The following ITPR2 variants were observed in gnomAD, a reference collection of about 807,000 sequenced individuals.
ITPR2 encodes inositol 1,4,5-trisphosphate-gated calcium channel ITPR2.
Under a neutral mutation model 317.1 loss-of-function variants are expected in ITPR2, and 207 were observed. That is an observed-to-expected ratio of 0.65 (90% CI 0.58 to 0.73). The LOEUF (loss-of-function observed/expected upper bound fraction) is 0.73, where lower values mean the gene tolerates loss of function less well. Among genes scored for constraint, ITPR2 ranks in the 30% least tolerant of loss-of-function variants. ITPR2 has a pLI of 0.00. For synonymous variants in ITPR2, 1,156 were observed against 1,149.1 expected (o/e 1.01, Z -0.12); for missense variants, 2,613 against 3,284.0 (o/e 0.80, Z 4.99).
chr12:26,676,579 G>T (rs1329308790), intron 13 of ITPR2, among the ~76,000 whole-genome samples: 1 of 150,746 alleles, frequency 6.6e-6, no homozygotes, highest in African/African-American at 2.4e-5. Flanking sequence ...ATGGACTAAA[G>T]AATAAATTTC....
intron 2 of ITPR2, among the ~76,000 whole-genome samples, chr12:26,762,070 A>G (rs540558355): frequency 6.6e-6 from 1 of 152,328 alleles, no homozygotes; most frequent in South Asian, 2.1e-4. Context: ...AGAATTTAAA[A>G]AGACTGAAAA....
In ITPR2 at chr12:26,337,939, A is replaced by G. The variant is rs982570383; in HGVS notation, c.*1458T>C. 2.0e-5 allele frequency: 3 copies of G among 152,364 alleles called. No homozygotes were observed. The highest frequency in any genetic ancestry group is 1.9e-4 in the East Asian group (1 of 5,194). 9.4% of individuals were successfully genotyped at this position (152,364 alleles called of 1,614,324 possible). ...TTTTTAGGAACCAATAGCTTAAGCT[A>G]TGTTAGAACAATCCAAAAGCTTTAA... On this transcript the variant is annotated 3_prime_UTR_variant, in exon 57 of 57. Transcript: ENST00000381340.
At chr12:26,773,981 A>ATTTT (rs34106132) in intron 2 of ITPR2, among the ~76,000 whole-genome samples, 1 of 91,390 alleles carries the variant, frequency 1.1e-5, no homozygotes, top group African/African-American at 4.3e-5. Context: ...CAACTGGAGA[A>ATTTT]TTTTTTTTTT....
In ITPR2 at chr12:26,372,885, G is replaced by A. The variant is rs529110376; in HGVS notation, c.7857+14549C>T. Among the ~76,000 whole-genome samples the A allele has an allele frequency of 2.0e-5, 3 of 152,148 alleles. 1 individual carries two copies. The highest frequency in any genetic ancestry group is 4.2e-4 in the South Asian group (2 of 4,810). Reference sequence around the variant, plus strand: ...GCCTGAGACAGTGGAAATTCCTCGCGCCTCCCACTGCCCCCCGACCCCAGC... The same window carrying A: ...GCCTGAGACAGTGGAAATTCCTCGCACCTCCCACTGCCCCCCGACCCCAGC... On this transcript the variant is annotated intron_variant, in intron 55 of 56. Transcript: ENST00000381340.
chr12:26,651,682 G>A (rs1342389953), intron 21 of ITPR2, among the ~76,000 whole-genome samples: 1 of 152,182 alleles, frequency 6.6e-6, no homozygotes, highest in African/African-American at 2.4e-5. Flanking sequence ...GTCTTACAGT[G>A]GTTTCACATA....
chr12:26,521,211 T>C (rs757978610), intron 37 of ITPR2, among the ~76,000 whole-genome samples: 6 of 152,132 alleles, frequency 3.9e-5, no homozygotes, highest in Non-Finnish European at 8.8e-5. Flanking sequence ...AATATTTAGT[T>C]CATTTGCAAA....
chr12:26,751,000 C>T (rs577774937), intron 2 of ITPR2, among the ~76,000 whole-genome samples: 8 of 152,230 alleles, frequency 5.3e-5, no homozygotes, highest in East Asian at 3.9e-4. Context: ...GCAACGAAAA[C>T]GGCTGAGTCA....
intron 1 of ITPR2, among the ~76,000 whole-genome samples, chr12:26,804,408 G>A (rs908548036): frequency 1.4e-4 from 22 of 152,182 alleles, no homozygotes; most frequent in Admixed American, 2.0e-4. Context: ...TTCTTCTGGA[G>A]AATTTTAATT....
chr12:26,588,169 T>C (rs192330353), intron 32 of ITPR2, among the ~76,000 whole-genome samples: 5 of 152,310 alleles, frequency 3.3e-5, no homozygotes, highest in Admixed American at 2.6e-4. Flanking sequence ...CAGTTGAATA[T>C]GTGAAACTAG....
intron 37 of ITPR2, among the ~76,000 whole-genome samples, chr12:26,540,951 A>C (rs1944241864): frequency 6.6e-6 from 1 of 152,142 alleles, no homozygotes. Context: ...CAGATGTCTT[A>C]TTATAAGAAC....
chr12:26,612,907 G>A (rs758387822), intron 26 of ITPR2, among the ~76,000 whole-genome samples: 18 of 152,148 alleles, frequency 1.2e-4, no homozygotes, highest in Non-Finnish European at 2.5e-4. Flanking sequence ...ACTCCTCCCA[G>A]TCCTTCAGAA....
chr12:26,634,369 A>G (rs553186108), intron 21 of ITPR2, among the ~76,000 whole-genome samples: 44 of 152,338 alleles, frequency 2.9e-4, no homozygotes, highest in Non-Finnish European at 5.6e-4. Flanking sequence ...CATTGCAAAA[A>G]AAGAAATTGT....
At chr12:26,617,279 T>C (rs11613380) in intron 26 of ITPR2, among the ~76,000 whole-genome samples, 20,531 of 152,164 alleles carry the variant, frequency 0.13, 1,886 homozygotes, top group Admixed American at 0.19. Flanking sequence ...AGCAGAAATT[T>C]AAAAGATAGC....
intron 55 of ITPR2, among the ~76,000 whole-genome samples, chr12:26,353,907 A>G (rs773313499): frequency 4.6e-5 from 7 of 152,186 alleles, no homozygotes; most frequent in African/African-American, 7.2e-5. Flanking sequence ...CTGAGAACCT[A>G]AAGAAAAACC....
chr12:26,613,332 G>T (rs1377532278), intron 26 of ITPR2, among the ~76,000 whole-genome samples: 1 of 152,150 alleles, frequency 6.6e-6, no homozygotes, highest in Non-Finnish European at 1.5e-5. Context: ...GCTGTCTCTT[G>T]TTAAGAATGG....
chr12:26,367,121 T>C (rs1166908849), intron 55 of ITPR2, among the ~76,000 whole-genome samples: 2 of 152,226 alleles, frequency 1.3e-5, no homozygotes, highest in African/African-American at 2.4e-5. Context: ...TTTATAACCT[T>C]AGATATATAC....
intron 8 of ITPR2, among the ~76,000 whole-genome samples, chr12:26,715,079 GGA>G (rs1948713163): frequency 6.6e-6 from 1 of 152,054 alleles, no homozygotes; most frequent in East Asian, 1.9e-4. Context: ...TGACAGAGAA[GGA>G]GAGAGAGAAA....
intron 2 of ITPR2, among the ~76,000 whole-genome samples, chr12:26,752,190 A>G (rs1295144724): frequency 6.6e-6 from 1 of 152,140 alleles, no homozygotes; most frequent in African/African-American, 2.4e-5. Context: ...CTCCTATTGC[A>G]TTCTCAGTTC....
chr12:26,680,893 G>C (rs1948016479), intron 13 of ITPR2, among the ~76,000 whole-genome samples: 1 of 152,170 alleles, frequency 6.6e-6, no homozygotes, highest in Non-Finnish European at 1.5e-5. Flanking sequence ...TGTTCAGCCT[G>C]GGAGTGGAAT....
Sources: gnomAD v4.1 joint callset for allele counts (sites outside exome capture counted in the v4.1 genomes callset) on GRCh38, gnomAD v4.1.1 for gene constraint, MANE v1.5 for transcripts, NCBI Gene and HGNC (gene_info 2026-07-23, HGNC 2026-07-21) for gene names.